TLCD4: variants seen among roughly 807,000 people sequenced by gnomAD.
TLCD4 encodes the protein TLC domain-containing protein 4.
A neutral mutation model predicts 24.2 loss-of-function variants in TLCD4; 7 were observed. That is an observed-to-expected ratio of 0.29 (90% confidence interval 0.16 to 0.54). TLCD4 has a LOEUF of 0.54. TLCD4 is among the 20% of genes least tolerant of loss of function. The pLI, the probability that TLCD4 is intolerant of heterozygous loss-of-function variation, is 0.95. For missense variants in TLCD4, 259 were observed against 313.9 expected (o/e 0.82, Z 1.32); for synonymous variants, 103 against 106.4 (o/e 0.97, Z 0.20).
intron 1 of TLCD4, among the ~76,000 whole-genome samples, chr1:95,140,114 T>A (rs1380620641): frequency 6.6e-6 from 1 of 152,168 alleles, no homozygotes; most frequent in African/African-American, 2.4e-5. Flanking sequence ...TGGTTTTTTT[T>A]AATAAATAGA....
chr1:95,102,790 A>G, the TLCD4 span, among the ~76,000 whole-genome samples: 1 of 152,130 alleles, frequency 6.6e-6, no homozygotes, highest in Non-Finnish European at 1.5e-5. Flanking sequence ...AGCAGAAAAG[A>G]CCGTTATGTT....
intron 6 of TLCD4, among the ~76,000 whole-genome samples, chr1:95,174,543 C>A: frequency 6.8e-6 from 1 of 147,576 alleles, no homozygotes; most frequent in Non-Finnish European, 1.5e-5. Context: ...AGAAAATTAG[C>A]TGGGCACGAT....
chr1:95,121,432 T>C (rs886834978), intron 1 of TLCD4, among the ~76,000 whole-genome samples: 1 of 152,176 alleles, frequency 6.6e-6, no homozygotes, highest in African/African-American at 2.4e-5. Context: ...TCAAACTCAT[T>C]AGGAAGTTGG....
Position 95,173,251 on chromosome 1 carries a change from A to G in TLCD4, c.400-565A>G, listed in dbSNP as rs182925586. On this transcript the variant is annotated intron_variant, in intron 5 of 6. Transcript: ENST00000370203. Reference sequence around the variant, plus strand: ...AGTAATGGATATAAAGTGAGTTACTATCAGGTGTTAAATTGTTATAAAACT... The same window carrying G: ...AGTAATGGATATAAAGTGAGTTACTGTCAGGTGTTAAATTGTTATAAAACT... Among the ~76,000 whole-genome samples the G allele has an allele frequency of 1.4e-3, 212 of 152,094 alleles. 1 individual carries two copies. The highest frequency in any genetic ancestry group is 5.0e-3 in the African/African-American group (206 of 41,490).
intron 5 of TLCD4, among the ~76,000 whole-genome samples, chr1:95,159,864 C>T (rs567341016): frequency 3.9e-5 from 6 of 152,192 alleles, no homozygotes; most frequent in African/African-American, 9.6e-5. Flanking sequence ...CATTGGTCAA[C>T]ATCTCTGTTT....
At chr1:95,109,198 G>A in the TLCD4 span, among the ~76,000 whole-genome samples, 1 of 151,928 alleles carries the variant, frequency 6.6e-6, no homozygotes, top group Non-Finnish European at 1.5e-5. Context: ...CCTGGTGGGT[G>A]TGCCTACAGT....
intron 1 of TLCD4, among the ~76,000 whole-genome samples, chr1:95,124,166 G>T (rs1676649025): frequency 6.6e-6 from 1 of 152,138 alleles, no homozygotes; most frequent in South Asian, 2.1e-4. Context: ...TTTTTACAAA[G>T]ATGCATATGA....
intron 5 of TLCD4, among the ~76,000 whole-genome samples, chr1:95,166,049 G>GT (rs1557691345): frequency 1.3e-5 from 2 of 152,182 alleles, no homozygotes; most frequent in African/African-American, 4.8e-5. Flanking sequence ...ATTCAATTAA[G>GT]TTTTTTGGGT....
At chr1:95,160,400 T>C (rs1225265405) in intron 5 of TLCD4, among the ~76,000 whole-genome samples, 1 of 152,176 alleles carries the variant, frequency 6.6e-6, no homozygotes. Flanking sequence ...CTTAAGGAGA[T>C]TTTGGGCTGA....
intron 1 of TLCD4, among the ~76,000 whole-genome samples, chr1:95,125,006 A>G (rs184195383): frequency 6.9e-4 from 105 of 152,320 alleles, no homozygotes; most frequent in Middle Eastern, 3.4e-3. Context: ...TAGGTTATAC[A>G]GTGTGAGAAT....
At chr1:95,100,755 G>A in the TLCD4 span, among the ~76,000 whole-genome samples, 1 of 152,076 alleles carries the variant, frequency 6.6e-6, no homozygotes, top group African/African-American at 2.4e-5. Flanking sequence ...CCCTCACTGA[G>A]TTAGTTAAAT....
chr1:95,117,838 A>C (rs4498850), intron 1 of TLCD4: 149,130 of 150,966 alleles, frequency 0.99, 73,684 homozygotes, highest in Middle Eastern at 1. Flanking sequence ...GTGTGTGCGG[A>C]AGGCTCAGCA....
At chr1:95,115,293 A>G (rs998343169), upstream of TLCD4, among the ~76,000 whole-genome samples, 2 of 151,952 alleles carry the variant, frequency 1.3e-5, no homozygotes, top group Admixed American at 1.3e-4. Flanking sequence ...TTTTTAGTAG[A>G]GACAGGGTTT....
chr1:95,111,530 A>C, the TLCD4 span, among the ~76,000 whole-genome samples: 1 of 152,346 alleles, frequency 6.6e-6, no homozygotes. Context: ...ACAAGATATA[A>C]GCCACAAGGA....
At chr1:95,100,706 C>T in the TLCD4 span, among the ~76,000 whole-genome samples, 5 of 152,254 alleles carry the variant, frequency 3.3e-5, no homozygotes, top group East Asian at 9.6e-4. Flanking sequence ...ATGTCTTTTT[C>T]AGATTTGCTT....
chr1:95,169,048 T>C (rs895243984), intron 5 of TLCD4, among the ~76,000 whole-genome samples: 2 of 152,172 alleles, frequency 1.3e-5, no homozygotes, highest in African/African-American at 4.8e-5. Context: ...CTCAGCGCAG[T>C]TTCTGAGAAG....
chr1:95,124,930 G>T (rs748298847), intron 1 of TLCD4, among the ~76,000 whole-genome samples: 4 of 152,092 alleles, frequency 2.6e-5, no homozygotes, highest in Non-Finnish European at 5.9e-5. Flanking sequence ...AATCCCGTAA[G>T]TTAGAAAGGA....
At chr1:95,149,305 T>C (rs1417358222) in intron 3 of TLCD4, among the ~76,000 whole-genome samples, 2 of 152,198 alleles carry the variant, frequency 1.3e-5, no homozygotes, top group Non-Finnish European at 2.9e-5. Context: ...ACATGTAAGA[T>C]GGTCCTTTTA....
the TLCD4 span, among the ~76,000 whole-genome samples, chr1:95,104,303 C>T: frequency 2.6e-5 from 4 of 152,152 alleles, no homozygotes; most frequent in Non-Finnish European, 1.5e-5. Context: ...TGTACAGATG[C>T]TCCTTTACTT....
Sources: gnomAD v4.1 joint callset for allele counts (sites outside exome capture counted in the v4.1 genomes callset) on GRCh38, gnomAD v4.1.1 for gene constraint, MANE v1.5 for transcripts, NCBI Gene and HGNC (gene_info 2026-07-23, HGNC 2026-07-21) for gene names.